The following EPN2 variants were observed in gnomAD, a reference collection of about 807,000 sequenced individuals.
EPN2 encodes epsin 2, also known as epsin-2.
EPN2 carries 34 observed loss-of-function variants against 61.7 expected under a neutral mutation model. The ratio of observed to expected loss-of-function variants is 0.55; its 90% confidence interval spans 0.42 to 0.73. EPN2 has a LOEUF of 0.73. EPN2 is among the 30% of genes least tolerant of loss of function. The pLI is 0.00. For synonymous variants in EPN2, 349 were observed against 353.6 expected (o/e 0.99, Z 0.15); for missense variants, 714 against 839.2 (o/e 0.85, Z 1.84).
At chr17:19,327,555 C>T (rs151091634) in intron 7 of EPN2, among the ~76,000 whole-genome samples, 105 of 152,176 alleles carry the variant, frequency 6.9e-4, no homozygotes, top group Non-Finnish European at 1.1e-3. Context: ...TTCCTGTAGT[C>T]CCAGCTACTT....
Position 19,328,830 on chromosome 17 carries a change from A to G in EPN2, c.1267A>G (p.Lys423Glu). 5 of 1,613,436 alleles carry G rather than the reference A, an allele frequency of 3.1e-6. No individual in the cohort carries two copies. Among genetic ancestry groups the G allele is most frequent in the African/African-American group, 1.3e-5 (1 of 75,026 alleles). ...ASQQPASSAG[K>E]RASDAWGAVS... Reference sequence around the variant, plus strand: ...ACAGCAGCCTGCCTCCAGTGCTGGGAAAAGAGCTTCTGACGCGTGGGGCGC... The same window carrying G: ...ACAGCAGCCTGCCTCCAGTGCTGGGGAAAGAGCTTCTGACGCGTGGGGCGC... The change falls in exon 8 of 11, where the codon AAA (lysine) becomes GAA (glutamate). Residue 423 changes from lysine to glutamate, a missense_variant. This residue lies in a region of EPN2 where 410 missense variants were observed against 421.8 expected (regional missense o/e 0.97). Transcript: ENST00000314728.
intron 8 of EPN2, chr17:19,329,252 C>G (rs1907047669): frequency 2.3e-6 from 1 of 438,180 alleles, no homozygotes; most frequent in African/African-American, 2.0e-5. Context: ...TCCAAGCAAC[C>G]AGACCCAGCT....
At chr17:19,269,959 T>TA (rs745774430) in intron 1 of EPN2, among the ~76,000 whole-genome samples, 31 of 152,340 alleles carry the variant, frequency 2.0e-4, no homozygotes, top group South Asian at 6.2e-4. Flanking sequence ...TTCTTGTTCT[T>TA]ACGATTTTGA....
chr17:19,319,324 CTTT>C (rs1906539521), intron 7 of EPN2, among the ~76,000 whole-genome samples: 1 of 151,996 alleles, frequency 6.6e-6, no homozygotes, highest in African/African-American at 2.4e-5. Context: ...ACAGATTCTA[CTTT>C]TTAAATTTTT....
chr17:19,274,786 C>A (rs2045289998), intron 1 of EPN2, among the ~76,000 whole-genome samples: 1 of 152,164 alleles, frequency 6.6e-6, no homozygotes, highest in Admixed American at 6.5e-5. Context: ...AAAGAATTTC[C>A]CCACCCAGCA....
At chr17:19,297,775 A>T (rs1339708022) in intron 4 of EPN2, among the ~76,000 whole-genome samples, 2 of 152,258 alleles carry the variant, frequency 1.3e-5, no homozygotes, top group Non-Finnish European at 2.9e-5. Context: ...GAGGGTGCCC[A>T]TGAGAAATAG....
intron 1 of EPN2, among the ~76,000 whole-genome samples, chr17:19,268,236 C>A (rs904678156): frequency 6.6e-6 from 1 of 152,208 alleles, no homozygotes; most frequent in Non-Finnish European, 1.5e-5. Context: ...TTGTTGCTCC[C>A]CCAGTCTAGA....
chr17:19,309,916 G>A lies in EPN2; in HGVS notation c.798G>A (p.Glu266=). 6.2e-7 allele frequency: 1 copy of A among 1,609,084 alleles called. No homozygotes were observed. ...ATSPRVSSEL[E]QARPQTSGEE... ...CCCCGCGAGTGTCCTCCGAGCTGGA[G>A]CAAGCCCGGCCCCAGACTAGTGGAG... The change falls in exon 5 of 11, where the codon GAG becomes GAA. Residue 266 remains glutamate (E), a synonymous_variant. Transcript: ENST00000314728.
chr17:19,327,536 G>T lies in EPN2; in HGVS notation c.1148-1175G>T, dbSNP rs113721700. ...AAATTAGAAAAAAAATTAGCCGGGC[G>T]TGGTGACATTCCTGTAGTCCCAGCT... On this transcript the variant is annotated intron_variant, in intron 7 of 10. Coordinates refer to ENST00000314728, the MANE Select transcript of EPN2 (RefSeq NM_014964.5). Among the ~76,000 whole-genome samples, 89 of 152,230 alleles carry T rather than the reference G, an allele frequency of 5.8e-4. 1 individual carries two copies. Among genetic ancestry groups the T allele is most frequent in the African/African-American group, 2.0e-3 (83 of 41,520 alleles).
At chr17:19,268,508 C>T (rs1399597916) in intron 1 of EPN2, among the ~76,000 whole-genome samples, 6 of 152,206 alleles carry the variant, frequency 3.9e-5, no homozygotes, top group African/African-American at 4.8e-5. Context: ...GGATTATAGG[C>T]GTGAGCCACC....
chr17:19,267,806 G>A (rs2045215271), intron 1 of EPN2, among the ~76,000 whole-genome samples: 1 of 152,172 alleles, frequency 6.6e-6, no homozygotes. Context: ...CTCCCAAAGT[G>A]CCGGGATTAC....
intron 1 of EPN2, among the ~76,000 whole-genome samples, chr17:19,264,594 T>C (rs953122071): frequency 6.6e-6 from 1 of 152,230 alleles, no homozygotes; most frequent in African/African-American, 2.4e-5. Flanking sequence ...AGCAGTGATC[T>C]TTTCATTCTG....
At position 19,283,577 on chromosome 17, in the gene EPN2, G is replaced by A. The variant is rs1412886457; in HGVS notation, c.458G>A (p.Arg153His). Residue 153 changes from arginine (R) to histidine (H), a missense_variant, in exon 3 of 11, where the codon CGC (arginine) becomes CAC (histidine). By Grantham distance (29) the Arg-to-His change is conservative. Around this residue, in one of 2 missense-constraint regions of EPN2, gnomAD observed 304 missense variants for 417.4 expected, o/e 0.73. Transcript: ENST00000314728. This position sits in a 1 kb window ranked among gnomAD's most constrained non-coding sequence, Gnocchi z 7.0. ...GCCCAGGCTCTCAAAACCAAAGAGC[G>A]CATGGCCCAGGTTGCCACTGGCATG... is the stretch of plus-strand genomic sequence containing the variant. ...ERAQALKTKE[R>H]MAQVATGMGS... 7 of 1,614,098 alleles carry A rather than the reference G, an allele frequency of 4.3e-6. No homozygotes were observed. Among genetic ancestry groups the A allele is most frequent in the Admixed American group, 1.7e-5 (1 of 60,014 alleles).
At chr17:19,322,222 C>T (rs1037797759) in intron 7 of EPN2, among the ~76,000 whole-genome samples, 19 of 152,160 alleles carry the variant, frequency 1.2e-4, no homozygotes, top group Non-Finnish European at 1.8e-4. Flanking sequence ...AGGAGAAGCC[C>T]TGAGTCCAAA....
chr17:19,301,918 G>T (rs189087495), intron 4 of EPN2, among the ~76,000 whole-genome samples: 2 of 152,374 alleles, frequency 1.3e-5, no homozygotes, highest in Admixed American at 1.3e-4. Flanking sequence ...GCATGTAACT[G>T]ACTGAGGGTG....
chr17:19,257,063 A>G (rs1207271174), intron 1 of EPN2, among the ~76,000 whole-genome samples: 1 of 152,250 alleles, frequency 6.6e-6, no homozygotes. Context: ...ACAAGAAATT[A>G]CTATGTAATC....
intron 4 of EPN2, among the ~76,000 whole-genome samples, chr17:19,309,142 CTT>C (rs1196924683): frequency 7.6e-5 from 10 of 131,690 alleles, no homozygotes; most frequent in Non-Finnish European, 6.5e-5. Flanking sequence ...AAGGTCAACT[CTT>C]TTTTTTTTTT....
At chr17:19,284,561 G>A (rs976440654) in intron 3 of EPN2, among the ~76,000 whole-genome samples, 1 of 152,204 alleles carries the variant, frequency 6.6e-6, no homozygotes, top group African/African-American at 2.4e-5. Flanking sequence ...GGTGGGGATT[G>A]TAGAAATTAT....
rs2045375167 is a variant in EPN2, at chr17:19,283,269, G to C, written c.150G>C (p.Val50=). 6.2e-7 allele frequency: 1 copy of C among 1,613,994 alleles called. No homozygotes were observed. The highest frequency in any genetic ancestry group is 8.5e-7 in the Non-Finnish European group (1 of 1,180,034). Residue 50 remains valine (V), a synonymous_variant, in exon 3 of 11, where the codon GTG becomes GTC. Transcript: ENST00000314728. The surrounding 1 kb of genome is among the most constrained non-coding windows in gnomAD (Gnocchi z 7.0). ...MTEIADLTYN[V]VAFSEIMSMV... is the part of the protein sequence containing the mutation. The stretch of plus-strand genomic sequence containing the variant: ...AGATTGCCGACCTGACCTACAACGT[G>C]GTGGCCTTCTCGGAGATCATGAGCA...
Sources: allele counts gnomAD v4.1 joint callset (sites outside exome capture counted in the v4.1 genomes callset), GRCh38; gene constraint gnomAD v4.1.1; regional missense constraint gnomAD v4.1.1; non-coding constraint Gnocchi (gnomAD v3.1); transcripts MANE v1.5; gene names NCBI Gene and HGNC (gene_info 2026-07-23, HGNC 2026-07-21).